The following PALS2 variants were observed in gnomAD, a reference collection of about 807,000 sequenced individuals.
PALS2 encodes the protein protein associated with LIN7 2, MAGUK p55 family member.
Under a neutral mutation model 61.6 loss-of-function variants are expected in PALS2, and 27 were observed. The ratio of observed to expected loss-of-function variants is 0.44; its 90% CI spans 0.32 to 0.60. The LOEUF (loss-of-function observed/expected upper bound fraction) is 0.60. PALS2 is among the 20% of genes least tolerant of loss of function. The probability of loss-of-function intolerance (pLI) is 0.05; values close to 1 mark genes in which losing one functional copy is unlikely to be tolerated. For synonymous variants in PALS2, 236 were observed against 218.6 expected (o/e 1.08, Z -0.70); for missense variants, 554 against 639.4 (o/e 0.87, Z 1.44).
intron 1 of PALS2, among the ~76,000 whole-genome samples, chr7:24,587,345 AATAAAGAT>A (rs1274063001): frequency 6.6e-6 from 1 of 151,928 alleles, no homozygotes; most frequent in Non-Finnish European, 1.5e-5. Flanking sequence ...GAACTGAGAA[AATAAAGAT>A]ACTAATAGTA....
At chr7:24,634,095 G>T (rs1347154773) in intron 2 of PALS2, among the ~76,000 whole-genome samples, 2 of 133,534 alleles carry the variant, frequency 1.5e-5, no homozygotes, top group African/African-American at 5.9e-5. Context: ...TTATGAAGTT[G>T]TGAGAGTCTT....
At chr7:24,630,431 T>TA (rs1156578805) in intron 2 of PALS2, among the ~76,000 whole-genome samples, 1 of 152,110 alleles carries the variant, frequency 6.6e-6, no homozygotes, top group Non-Finnish European at 1.5e-5. Flanking sequence ...CATTTGTACT[T>TA]ATGTAACAAA....
rs202040310 is a variant in PALS2 at position 24,632,405 on chromosome 7, T to C, written c.117+8621T>C. Among the ~76,000 whole-genome samples, 7 of 152,324 alleles carry C rather than the reference T, an allele frequency of 4.6e-5. No individual in the cohort carries two copies. In the East Asian group the frequency reaches 1.3e-3, roughly 29 times the overall value. ...TTTTAATTCACTCTGACAGTCTCTT[T>C]GTTTTTTTATTTTTAGACGGAGTCT... On this transcript the variant is annotated intron_variant, in intron 2 of 11. Transcript: ENST00000222644.
At chr7:24,629,294 C>G (rs921599212) in intron 2 of PALS2, among the ~76,000 whole-genome samples, 18 of 152,136 alleles carry the variant, frequency 1.2e-4, no homozygotes, top group African/African-American at 4.1e-4. Flanking sequence ...ATGCAGAAAA[C>G]TGAAACTGTA....
At chr7:24,587,385 T>A (rs1010043615) in intron 1 of PALS2, among the ~76,000 whole-genome samples, 3 of 152,176 alleles carry the variant, frequency 2.0e-5, no homozygotes, top group Admixed American at 6.5e-5. Flanking sequence ...ATTTTTAATT[T>A]AAAAAATTTT....
intron 1 of PALS2, chr7:24,574,422 T>C (rs554984255): frequency 1.3e-5 from 2 of 152,290 alleles, no homozygotes; most frequent in South Asian, 2.1e-4. Context: ...AGAAGGACTT[T>C]TTAACACTTT....
intron 1 of PALS2, among the ~76,000 whole-genome samples, chr7:24,613,094 TATA>T (rs1170529256): frequency 6.6e-6 from 1 of 151,628 alleles, no homozygotes; most frequent in Non-Finnish European, 1.5e-5. Flanking sequence ...TAAATTACAT[TATA>T]ATTTTTTAAC....
At chr7:24,645,249 G>A (rs1221128861) in intron 3 of PALS2, among the ~76,000 whole-genome samples, 2 of 152,038 alleles carry the variant, frequency 1.3e-5, no homozygotes, top group Admixed American at 6.6e-5. Flanking sequence ...GTCTTCTGGG[G>A]TTTTTACATT....
intron 1 of PALS2, among the ~76,000 whole-genome samples, chr7:24,577,487 C>T (rs1030716787): frequency 1.3e-5 from 2 of 152,094 alleles, no homozygotes; most frequent in African/African-American, 4.8e-5. Flanking sequence ...ATCCTTTCTA[C>T]TGCTTGCTAG....
intron 1 of PALS2, among the ~76,000 whole-genome samples, chr7:24,587,432 C>T (rs919259079): frequency 1.4e-4 from 22 of 151,986 alleles, no homozygotes; most frequent in African/African-American, 5.1e-4. Context: ...CAGTCGAGTA[C>T]AGTGGCCTGA....
chr7:24,632,976 C>G (rs1297333121), intron 2 of PALS2, among the ~76,000 whole-genome samples: 1 of 151,988 alleles, frequency 6.6e-6, no homozygotes, highest in Non-Finnish European at 1.5e-5. Flanking sequence ...CGAATAACAT[C>G]ATACCACTTA....
At chr7:24,667,908 C>T (rs879564253) in intron 8 of PALS2, among the ~76,000 whole-genome samples, 11 of 151,844 alleles carry the variant, frequency 7.2e-5, no homozygotes, top group Admixed American at 1.3e-4. Context: ...CCTCGTGATT[C>T]GCCCACCTCG....
chr7:24,668,520 A>G lies in PALS2; in HGVS notation c.974A>G (p.Gln325Arg). The change falls in exon 9 of 12, where the codon CAG (glutamine) becomes CGG (arginine). Residue 325 changes from glutamine to arginine, a missense_variant. Gln to Arg is a conservative substitution (Grantham distance 43, BLOSUM62 1). Transcript: ENST00000222644. ...TTAGAATTTGATCGTCATGAAATCC[A>G]GATATATGAGGAGGTAGCCAAAATG... ...RNAEFDRHEI[Q>R]IYEEVAKMPP... 1.9e-6 allele frequency: 3 copies of G among 1,612,780 alleles called. No individual in the cohort carries two copies. The highest frequency in any genetic ancestry group is 3.3e-4 in the Middle Eastern group (2 of 6,050).
At chr7:24,677,557 AT>A (rs1248526234) in intron 9 of PALS2, among the ~76,000 whole-genome samples, 3 of 151,902 alleles carry the variant, frequency 2.0e-5, no homozygotes, top group Non-Finnish European at 4.4e-5. Context: ...TCAATACCTA[AT>A]TTATTGAGAG....
In PALS2 at chr7:24,595,450, A is replaced by G. The variant is rs1202488011; in HGVS notation, c.-3+21857A>G. ...AAAAAATATATAAAATACATAATAT[A>G]TAATATATATAAATATATATAAATA... is the stretch of plus-strand genomic sequence containing the variant. On this transcript the variant is annotated intron_variant, in intron 1 of 11. Coordinates refer to ENST00000222644, the MANE Select transcript of PALS2 (RefSeq NM_001303037.2). Among the ~76,000 whole-genome samples the G allele has an allele frequency of 2.9e-5, 4 of 139,802 alleles. No individual in the cohort carries two copies. In the East Asian group the frequency reaches 7.9e-4, roughly 27 times the overall value. 91.7% of individuals were successfully genotyped at this position (139,802 alleles called of 152,430 possible).
At chr7:24,627,313 A>G (rs1177879072) in intron 2 of PALS2, among the ~76,000 whole-genome samples, 1 of 152,220 alleles carries the variant, frequency 6.6e-6, no homozygotes, top group African/African-American at 2.4e-5. Flanking sequence ...TTTGAAACCA[A>G]TGAGATCAAA....
chr7:24,582,698 A>G (rs551405120), intron 1 of PALS2, among the ~76,000 whole-genome samples: 1 of 152,122 alleles, frequency 6.6e-6, no homozygotes, highest in African/African-American at 2.4e-5. Context: ...TAAATAAAAA[A>G]TTATTTGCTT....
intron 1 of PALS2, among the ~76,000 whole-genome samples, chr7:24,580,438 A>G (rs976537366): frequency 6.6e-6 from 1 of 152,210 alleles, no homozygotes; most frequent in African/African-American, 2.4e-5. Context: ...GAGGTTGTAT[A>G]TAATTTAGGT....
chr7:24,587,463 A>T (rs1583834612), intron 1 of PALS2, among the ~76,000 whole-genome samples: 1 of 151,676 alleles, frequency 6.6e-6, no homozygotes, highest in East Asian at 1.9e-4. Context: ...CTGCAACCTT[A>T]AATTTCTGGG....
Sources: allele counts gnomAD v4.1 joint callset (sites outside exome capture counted in the v4.1 genomes callset), GRCh38; gene constraint gnomAD v4.1.1; transcripts MANE v1.5; gene names NCBI Gene and HGNC (gene_info 2026-07-23, HGNC 2026-07-21).